Variants in FHIT observed in about 807,000 individuals in gnomAD.
FHIT encodes the protein bis(5'-adenosyl)-triphosphatase.
Under a neutral mutation model 17.9 loss-of-function variants are expected in FHIT, and 19 were observed. The observed-to-expected ratio is 1.06, with a 90% CI of 0.74 to 1.56. FHIT has a LOEUF of 1.56. Ranked by LOEUF, FHIT falls within the 40% of genes most tolerant of loss-of-function variation. The pLI, the probability that FHIT is intolerant of heterozygous loss-of-function variation, is 0.00. For synonymous variants in FHIT, 81 were observed against 69.7 expected (o/e 1.16, Z -0.81); for missense variants, 248 against 189.2 (o/e 1.31, Z -1.82).
At chr3:59,786,604 T>C (rs1369916474) in intron 8 of FHIT, among the ~76,000 whole-genome samples, 1 of 152,212 alleles carries the variant, frequency 6.6e-6, no homozygotes, top group Non-Finnish European at 1.5e-5. Flanking sequence ...ATGATGGAAA[T>C]TGCCTGCAAA....
chr3:60,963,874 G>A (rs1174488296), intron 3 of FHIT, among the ~76,000 whole-genome samples: 5 of 152,336 alleles, frequency 3.3e-5, no homozygotes, highest in South Asian at 4.1e-4. Flanking sequence ...TTTGGAATAA[G>A]TGCGATGTGG....
At chr3:60,003,979 T>C (rs1289606718) in intron 7 of FHIT, among the ~76,000 whole-genome samples, 1 of 152,076 alleles carries the variant, frequency 6.6e-6, no homozygotes, top group Admixed American at 6.6e-5. Flanking sequence ...TTATATTTGA[T>C]TTCCTAGGCT....
chr3:59,755,836 T>G (rs528222198), intron 8 of FHIT, among the ~76,000 whole-genome samples: 2 of 145,480 alleles, frequency 1.4e-5, no homozygotes, highest in East Asian at 3.9e-4. Flanking sequence ...AGAAACGTTA[T>G]GAAAAACAGT....
At chr3:60,908,378 G>A (rs1352378033) in intron 3 of FHIT, among the ~76,000 whole-genome samples, 1 of 152,158 alleles carries the variant, frequency 6.6e-6, no homozygotes, top group Non-Finnish European at 1.5e-5. Context: ...TGCTGAAAAT[G>A]CCATTATAGA....
chr3:59,990,923 T>C (rs1010550285), intron 7 of FHIT, among the ~76,000 whole-genome samples: 1 of 98,758 alleles, frequency 1.0e-5, no homozygotes, highest in Non-Finnish European at 2.0e-5. Flanking sequence ...CATAAACACA[T>C]AGTAATGTGG....
chr3:61,198,633 T>C (rs1407367673), intron 2 of FHIT, among the ~76,000 whole-genome samples: 1 of 152,136 alleles, frequency 6.6e-6, no homozygotes, highest in Non-Finnish European at 1.5e-5. Flanking sequence ...TAACTAGTAA[T>C]TGATGACAAC....
At chr3:59,816,834 GA>G (rs1700616444) in intron 8 of FHIT, among the ~76,000 whole-genome samples, 2 of 152,288 alleles carry the variant, frequency 1.3e-5, no homozygotes, top group Admixed American at 1.3e-4. Flanking sequence ...TTATGCTCAG[GA>G]AACATTTGCT....
intron 7 of FHIT, among the ~76,000 whole-genome samples, chr3:59,931,611 A>T (rs1453700533): frequency 2.6e-5 from 4 of 152,160 alleles, no homozygotes; most frequent in Admixed American, 2.6e-4. Flanking sequence ...AGTGCTTTTC[A>T]TGTGTTCAAA....
intron 4 of FHIT, among the ~76,000 whole-genome samples, chr3:60,706,656 T>C (rs2107923211): frequency 6.6e-6 from 1 of 152,202 alleles, no homozygotes; most frequent in South Asian, 2.1e-4. Context: ...GTTTTATAAT[T>C]CTCCTCAAAA....
intron 5 of FHIT, among the ~76,000 whole-genome samples, chr3:60,223,205 C>G (rs1023270154): frequency 3.3e-5 from 5 of 152,146 alleles, no homozygotes; most frequent in African/African-American, 9.6e-5. Flanking sequence ...ACTAGGCACT[C>G]AGTGGTGTCA....
intron 7 of FHIT, among the ~76,000 whole-genome samples, chr3:60,002,546 C>A (rs563977728): frequency 1.7e-4 from 26 of 152,322 alleles, no homozygotes; most frequent in Admixed American, 9.8e-4. Flanking sequence ...GGATTCCTCA[C>A]CATGTTTGGC....
chr3:61,108,825 AT>A (rs1231475404), intron 2 of FHIT, among the ~76,000 whole-genome samples: 1 of 152,224 alleles, frequency 6.6e-6, no homozygotes, highest in Non-Finnish European at 1.5e-5. Context: ...CACATATGAT[AT>A]GCCACTCTCA....
At chr3:61,045,809 C>A (rs1275895246) in intron 2 of FHIT, among the ~76,000 whole-genome samples, 1 of 152,128 alleles carries the variant, frequency 6.6e-6, no homozygotes, top group African/African-American at 2.4e-5. Flanking sequence ...ACAGTGCAAG[C>A]AAACTAGAAA....
chr3:60,751,807 A>G (rs1553716915), intron 4 of FHIT, among the ~76,000 whole-genome samples: 1 of 152,230 alleles, frequency 6.6e-6, no homozygotes, highest in Non-Finnish European at 1.5e-5. Flanking sequence ...TCATAAATGT[A>G]TATGGATGAG....
At chr3:60,578,551 A>T (rs1553658485) in intron 4 of FHIT, among the ~76,000 whole-genome samples, 1 of 152,096 alleles carries the variant, frequency 6.6e-6, no homozygotes, top group Non-Finnish European at 1.5e-5. Flanking sequence ...TTATTCTTAT[A>T]AAGTACCTGC....
chr3:60,883,430 A>C (rs1553758479), intron 3 of FHIT, among the ~76,000 whole-genome samples: 1 of 152,184 alleles, frequency 6.6e-6, no homozygotes, highest in African/African-American at 2.4e-5. Context: ...CAAAAAGAAC[A>C]AAGCTGGAGG....
chr3:60,184,358 T>A (rs139325355), intron 5 of FHIT, among the ~76,000 whole-genome samples: 711 of 152,300 alleles, frequency 4.7e-3, no homozygotes, highest in African/African-American at 0.016. Flanking sequence ...CTTATGTTGC[T>A]TAAGACTTTT....
chr3:60,146,619 T>C (rs1325060043), intron 5 of FHIT, among the ~76,000 whole-genome samples: 11 of 152,114 alleles, frequency 7.2e-5, no homozygotes, highest in Non-Finnish European at 1.2e-4. Context: ...CTAGAGAGAA[T>C]GGGGGTAGCT....
chr3:60,994,565 C>T (rs1442904167), intron 3 of FHIT, among the ~76,000 whole-genome samples: 1 of 152,152 alleles, frequency 6.6e-6, no homozygotes, highest in Non-Finnish European at 1.5e-5. Context: ...GATAAGCATA[C>T]TCACCTTTTA....
Sources: gnomAD v4.1 joint callset for allele counts (sites outside exome capture counted in the v4.1 genomes callset) on GRCh38, gnomAD v4.1.1 for gene constraint, MANE v1.5 for transcripts, NCBI Gene and HGNC (gene_info 2026-07-23, HGNC 2026-07-21) for gene names.